TSPAN14: variants seen among roughly 807,000 people sequenced by gnomAD.
TSPAN14 encodes the protein tetraspanin 14, also known as tetraspanin-14.
A neutral mutation model predicts 36.6 loss-of-function variants in TSPAN14; 16 were observed. The ratio of observed to expected loss-of-function variants is 0.44; its 90% CI spans 0.30 to 0.66. The LOEUF is 0.66. Among genes scored for constraint, TSPAN14 ranks in the 30% least tolerant of loss-of-function variants. The pLI is 0.12. For synonymous variants in TSPAN14, 139 were observed against 143.8 expected, an observed-to-expected ratio of 0.97 and a Z score of 0.24; for missense variants, 231 against 355.1, an observed-to-expected ratio of 0.65 and a Z score of 2.81.
chr10:80,464,534 T>C (rs1230561667), intron 1 of TSPAN14, among the ~76,000 whole-genome samples: 1 of 152,098 alleles, frequency 6.6e-6, no homozygotes, highest in Non-Finnish European at 1.5e-5. Flanking sequence ...GCAGGGAGAC[T>C]TTAGGGCTGG....
At chr10:80,498,381 C>G (rs1239423334) in intron 2 of TSPAN14, among the ~76,000 whole-genome samples, 1 of 152,154 alleles carries the variant, frequency 6.6e-6, no homozygotes, top group Admixed American at 6.5e-5. Flanking sequence ...CCTCGAGACC[C>G]TGACTCTGTG....
At chr10:80,516,407 T>G in intron 8 of TSPAN14, 84 bp downstream of exon 8, 1 of 1,589,144 alleles carries the variant, frequency 6.3e-7, no homozygotes. Context: ...ATGGGTCCAG[T>G]TTGGGTATGG....
intron 1 of TSPAN14, among the ~76,000 whole-genome samples, chr10:80,460,008 G>A (rs1845898016): frequency 6.6e-6 from 1 of 152,208 alleles, no homozygotes; most frequent in African/African-American, 2.4e-5. Context: ...GGAGCAGTGG[G>A]TCCAGGAAGA....
chr10:80,516,174 G>C, intron 7 of TSPAN14, 30 bp from the exon 8 acceptor site: 1 of 1,614,050 alleles, frequency 6.2e-7, no homozygotes, highest in Non-Finnish European at 8.5e-7. Context: ...GTGTGCCAAA[G>C]GCTCAGACCC....
At chr10:80,477,445 A>T (rs987546416) in intron 1 of TSPAN14, among the ~76,000 whole-genome samples, 8 of 152,196 alleles carry the variant, frequency 5.3e-5, no homozygotes, top group African/African-American at 1.9e-4. Flanking sequence ...CCCACATAAG[A>T]TAAAGGGAGT....
At chr10:80,504,664 G>A (rs1840188810) in intron 2 of TSPAN14, 64 bp from the exon 3 acceptor site, 1 of 1,602,920 alleles carries the variant, frequency 6.2e-7, no homozygotes, top group South Asian at 1.1e-5. Flanking sequence ...TTTGCTCTGT[G>A]AAGCATGTTC....
intron 1 of TSPAN14, among the ~76,000 whole-genome samples, chr10:80,458,785 A>G (rs1589228970): frequency 1.3e-5 from 2 of 152,178 alleles, no homozygotes; most frequent in Admixed American, 6.5e-5. Flanking sequence ...TGATTTAGAC[A>G]GGGCAAGTAG....
At chr10:80,520,702 T>C (rs1841223765) in exon 9 of TSPAN14, 1 of 533,482 alleles carries the variant, frequency 1.9e-6, no homozygotes, top group Non-Finnish European at 3.8e-6. Context: ...CTCCCTCCCT[T>C]TCTTTCCCAG....
At chr10:80,479,534 A>C (rs1186596593) in intron 1 of TSPAN14, among the ~76,000 whole-genome samples, 1 of 152,092 alleles carries the variant, frequency 6.6e-6, no homozygotes, top group Non-Finnish European at 1.5e-5. Flanking sequence ...TCCCAGCACC[A>C]TTTATTAAAT....
At position 80,489,284 on chromosome 10, in the gene TSPAN14, C is replaced by T. The variant is rs79788502; in HGVS notation, c.51C>T (p.Tyr17=). ...CCAAGGTCAGCTGCTGGTACAAGTA[C>T]CTCCTTTTCAGCTACAACATCATCT... is the stretch of plus-strand genomic sequence containing the variant. Residue 17 remains tyrosine, a synonymous_variant, in exon 2 of 9, where the codon TAC becomes TAT. Coordinates refer to ENST00000429989, the Ensembl canonical transcript of TSPAN14. 7.7e-4 allele frequency: 1,211 copies of T among 1,582,462 alleles called. 6 individuals are homozygous for T. The African/African-American group carries it at 0.014, about 19-fold the overall frequency.
intron 8 of TSPAN14, among the ~76,000 whole-genome samples, chr10:80,516,734 T>G (rs934935443): frequency 5.9e-5 from 9 of 152,138 alleles, no homozygotes; most frequent in Admixed American, 3.9e-4. Context: ...GGCCTGAGGG[T>G]GGCCTGAGGC....
intron 1 of TSPAN14, among the ~76,000 whole-genome samples, chr10:80,464,178 T>C (rs1487219875): frequency 6.6e-6 from 1 of 152,164 alleles, no homozygotes; most frequent in Non-Finnish European, 1.5e-5. Flanking sequence ...GAGGAGCAGA[T>C]TTTCCCGCAG....
intron 1 of TSPAN14, among the ~76,000 whole-genome samples, chr10:80,488,752 C>G (rs1413740676): frequency 6.6e-6 from 1 of 152,174 alleles, no homozygotes; most frequent in African/African-American, 2.4e-5. Context: ...AAGCCCGTTT[C>G]TTCTGTTGGC....
intron 1 of TSPAN14, among the ~76,000 whole-genome samples, chr10:80,465,181 G>A (rs76080317): frequency 0.02 from 3,099 of 152,152 alleles, 42 homozygotes; most frequent in Non-Finnish European, 0.032. Flanking sequence ...GAGTTCTGCC[G>A]AGTCTTCCCG....
intron 5 of TSPAN14, among the ~76,000 whole-genome samples, chr10:80,511,480 C>T (rs1840615625): frequency 1.3e-5 from 2 of 152,242 alleles, no homozygotes; most frequent in Admixed American, 1.3e-4. Flanking sequence ...GGACGCCACT[C>T]TCCTGTCTGA....
At chr10:80,468,221 T>TG (rs1026575280) in intron 1 of TSPAN14, among the ~76,000 whole-genome samples, 1 of 152,188 alleles carries the variant, frequency 6.6e-6, no homozygotes, top group African/African-American at 2.4e-5. Flanking sequence ...CTGTGCCTGT[T>TG]GCCCGTCTGA....
chr10:80,465,482 A>G (rs1211579556), intron 1 of TSPAN14, among the ~76,000 whole-genome samples: 2 of 152,220 alleles, frequency 1.3e-5, no homozygotes, highest in Admixed American at 6.5e-5. Context: ...CCCTTGTGAC[A>G]TGAATCTGCC....
chr10:80,472,887 T>A (rs945105520), intron 1 of TSPAN14, among the ~76,000 whole-genome samples: 10 of 152,250 alleles, frequency 6.6e-5, no homozygotes, highest in Non-Finnish European at 1.2e-4. Flanking sequence ...AACATGCATT[T>A]CCAAGTCTAT....
intron 2 of TSPAN14, among the ~76,000 whole-genome samples, chr10:80,491,377 AC>A (rs1258041776): frequency 6.6e-6 from 1 of 151,688 alleles, no homozygotes; most frequent in Non-Finnish European, 1.5e-5. Flanking sequence ...ACCATCCCGC[AC>A]CCCCAGGCAA....
Sources: gnomAD v4.1 joint callset for allele counts (sites outside exome capture counted in the v4.1 genomes callset) on GRCh38, gnomAD v4.1.1 for gene constraint, MANE v1.5 for transcripts, NCBI Gene and HGNC (gene_info 2026-07-23, HGNC 2026-07-21) for gene names.